VPS8: variants seen among roughly 807,000 people sequenced by gnomAD.
VPS8 encodes the protein VPS8 subunit of CORVET complex, also known as vacuolar protein sorting-associated protein 8 homolog.
VPS8 carries 129 observed loss-of-function variants against 216.4 expected under a neutral mutation model. The ratio of observed to expected loss-of-function variants is 0.60; its 90% confidence interval spans 0.52 to 0.69. VPS8 has a LOEUF of 0.69. Ranked by LOEUF, VPS8 falls within the 30% of genes least tolerant of loss-of-function variation. VPS8 has a pLI of 0.00. For synonymous variants in VPS8, 571 were observed against 565.4 expected (o/e 1.01, Z -0.14); for missense variants, 1,531 against 1,683.5 (o/e 0.91, Z 1.59).
At chr3:184,820,553 A>T (rs1717355940) in intron 1 of VPS8, among the ~76,000 whole-genome samples, 1 of 152,104 alleles carries the variant, frequency 6.6e-6, no homozygotes, top group African/African-American at 2.4e-5. Context: ...ATTGTTGGAT[A>T]CCCTCATACT....
chr3:184,854,303 G>A, intron 13 of VPS8, 130 bp downstream of exon 13: 1 of 1,027,114 alleles, frequency 9.7e-7, no homozygotes, highest in Non-Finnish European at 1.5e-6. Context: ...GTGCTCCAGA[G>A]ATCGTTGGCT....
intron 45 of VPS8, among the ~76,000 whole-genome samples, chr3:185,013,159 C>T (rs1204678428): frequency 6.6e-6 from 1 of 152,216 alleles, no homozygotes; most frequent in African/African-American, 2.4e-5. Flanking sequence ...TGCCCTCATT[C>T]TGGTAAATCC....
At chr3:184,913,596 T>C (rs762633137) in intron 26 of VPS8, 35 bp downstream of exon 26, 7 of 1,498,666 alleles carry the variant, frequency 4.7e-6, no homozygotes, top group Non-Finnish European at 6.3e-6. Context: ...TGCATGTATG[T>C]TCTTTCTATA....
At chr3:184,865,158 G>T (rs767381957) in intron 16 of VPS8, among the ~76,000 whole-genome samples, 14 of 152,152 alleles carry the variant, frequency 9.2e-5, no homozygotes, top group Non-Finnish European at 1.8e-4. Flanking sequence ...TTAAGAAATA[G>T]TATTAGTGAA....
chr3:184,854,244 A>T lies in VPS8; in HGVS notation c.1035+71A>T, dbSNP rs1724830574. 2.0e-6 allele frequency: 3 copies of T among 1,520,772 alleles called. No homozygotes were observed. The Admixed American group carries it at 5.1e-5, about 26-fold the overall frequency. The allele number at this position is 1,520,772 out of a possible 1,614,324, so 94.2% of individuals were successfully genotyped here. On this transcript the variant is annotated intron_variant, in intron 13 of 47. Coordinates refer to ENST00000625842, the MANE Select transcript of VPS8 (RefSeq NM_001009921.3). The stretch of plus-strand genomic sequence containing the variant: ...AGGAGGTTGAGAGAGATGGCTTGCA[A>T]GGGGTGAATTCTATGAGATTGTCAG...
intron 13 of VPS8, among the ~76,000 whole-genome samples, chr3:184,855,060 G>A (rs1317487699): frequency 6.6e-6 from 1 of 152,070 alleles, no homozygotes; most frequent in Non-Finnish European, 1.5e-5. Flanking sequence ...GGCAAAACTG[G>A]CTTAGATGGC....
intron 47 of VPS8, among the ~76,000 whole-genome samples, chr3:185,051,137 G>C (rs1714139278): frequency 6.6e-6 from 1 of 152,160 alleles, no homozygotes; most frequent in Non-Finnish European, 1.5e-5. Context: ...TAGGTGAAAG[G>C]GATGGTCCCC....
chr3:184,973,233 T>G (rs996949965), intron 40 of VPS8, among the ~76,000 whole-genome samples: 5 of 152,192 alleles, frequency 3.3e-5, no homozygotes, highest in Non-Finnish European at 5.9e-5. Context: ...ATTCATCCTG[T>G]CACTCAGAAA....
In VPS8 at chr3:184,826,158, T is replaced by G. The variant is rs1304174308; in HGVS notation, c.154-5T>G. On this transcript the variant is annotated splice_polypyrimidine_tract_variant and splice_region_variant and intron_variant, in intron 2 of 47. Transcript: ENST00000625842. ...TTGTGAGCACTATTTTTTTTCTTTA[T>G]TTAGATTGATGACAAGGAGTTTGAT... The G allele has an allele frequency of 6.2e-7, 1 of 1,603,240 alleles. No individual in the cohort carries two copies. The highest frequency in any genetic ancestry group is 8.5e-7 in the Non-Finnish European group (1 of 1,174,814).
chr3:184,854,706 A>G (rs1724922091), intron 13 of VPS8, among the ~76,000 whole-genome samples: 1 of 152,204 alleles, frequency 6.6e-6, no homozygotes, highest in South Asian at 2.1e-4. Flanking sequence ...TTGGCACTGA[A>G]CTATGGATAG....
intron 15 of VPS8, among the ~76,000 whole-genome samples, chr3:184,862,282 C>T (rs547082571): frequency 2.3e-4 from 35 of 152,098 alleles, no homozygotes; most frequent in South Asian, 2.3e-3. Flanking sequence ...ATACATAACC[C>T]AAGAAATTTG....
At chr3:184,978,481 G>T (rs981396977) in intron 40 of VPS8, among the ~76,000 whole-genome samples, 1 of 151,270 alleles carries the variant, frequency 6.6e-6, no homozygotes, top group South Asian at 2.1e-4. Context: ...TGGTATGATC[G>T]ACCTCCCAGG....
At chr3:184,852,710 A>G (rs1243719877) in intron 11 of VPS8, 143 bp downstream of exon 11, 4 of 775,910 alleles carry the variant, frequency 5.2e-6, no homozygotes, top group Non-Finnish European at 2.0e-6. Flanking sequence ...GGGAAGGCTT[A>G]TATTAATAGA....
At chr3:184,865,204 A>T (rs895462864) in intron 16 of VPS8, among the ~76,000 whole-genome samples, 6 of 152,260 alleles carry the variant, frequency 3.9e-5, no homozygotes, top group African/African-American at 1.4e-4. Flanking sequence ...ATGTACGTGC[A>T]GTTAAAATCT....
chr3:184,838,792 G>A lies in VPS8; in HGVS notation c.480+46G>A, dbSNP rs1191086743. ...TAAAGGTAAGTTTTCTATTTGATTG[G>A]GTTTTCTTAGATTTATCATTACATT... On this transcript the variant is annotated intron_variant, in intron 6 of 47. Coordinates refer to ENST00000625842, the MANE Select transcript of VPS8 (RefSeq NM_001009921.3). 5 of 1,419,140 alleles carry A rather than the reference G, an allele frequency of 3.5e-6. No individual in the cohort carries two copies. In the South Asian group the frequency reaches 6.7e-5, roughly 19 times the overall value. 87.9% of individuals were successfully genotyped at this position (1,419,140 alleles called of 1,614,324 possible). A position where few individuals can be genotyped will look rare whatever the true frequency, so the allele number is the denominator to read the frequency against.
At position 184,984,875 on chromosome 3, in the gene VPS8, TTTTTC is replaced by T. The variant is rs1203639608; in HGVS notation, c.3585+1783_3585+1787del. Among the ~76,000 whole-genome samples the T allele has an allele frequency of 2.0e-5, 3 of 152,284 alleles. No homozygotes were observed. In the East Asian group the frequency reaches 5.8e-4, roughly 29 times the overall value. ...ATATGTAAATTATAACAAAAACATGTTTTTCTCTTGGCAAAAACATGATTTTTAAA... is the reference window on the plus strand; with the variant it reads ...ATATGTAAATTATAACAAAAACATGTTCTTGGCAAAAACATGATTTTTAAA... On this transcript the variant is annotated intron_variant, in intron 42 of 47. Transcript: ENST00000625842.
chr3:184,873,363 TA>T (rs1254484272), intron 21 of VPS8, among the ~76,000 whole-genome samples: 1 of 152,242 alleles, frequency 6.6e-6, no homozygotes, highest in East Asian at 1.9e-4. Context: ...GTGATGTTAA[TA>T]AATCACCAAG....
intron 46 of VPS8, among the ~76,000 whole-genome samples, chr3:185,028,908 T>C (rs953632389): frequency 6.6e-6 from 1 of 152,168 alleles, no homozygotes; most frequent in Non-Finnish European, 1.5e-5. Flanking sequence ...GAATGAGAGA[T>C]GCACGAAAGA....
chr3:184,917,195 A>C (rs1219979463), intron 28 of VPS8, among the ~76,000 whole-genome samples: 1 of 152,212 alleles, frequency 6.6e-6, no homozygotes, highest in Non-Finnish European at 1.5e-5. Flanking sequence ...AGTCAGGGGA[A>C]GGGTAGGAAA....
Sources: allele counts gnomAD v4.1 joint callset (sites outside exome capture counted in the v4.1 genomes callset), GRCh38; gene constraint gnomAD v4.1.1; transcripts MANE v1.5; gene names NCBI Gene and HGNC (gene_info 2026-07-23, HGNC 2026-07-21).